The following METTL15 variants were observed in gnomAD, a reference collection of about 807,000 sequenced individuals.
The protein encoded by METTL15 is 12S rRNA N(4)-cytidine methyltransferase METTL15.
In METTL15, 34 loss-of-function variants were observed where a neutral mutation model predicts 38.3. The ratio of observed to expected loss-of-function variants is 0.89; its 90% CI spans 0.68 to 1.18. The LOEUF (loss-of-function observed/expected upper bound fraction) is 1.18, where lower values mean the gene tolerates loss of function less well. Ranked by LOEUF, METTL15 falls within the 50% of genes most tolerant of loss-of-function variation. The pLI is 0.00. For missense variants in METTL15, 438 were observed against 498.4 expected (o/e 0.88, Z 1.15); for synonymous variants, 162 against 170.9 (o/e 0.95, Z 0.41).
Position 28,330,451 on chromosome 11 carries a change from C to G in METTL15, c.834C>G (p.Thr278=). The part of the protein sequence containing the change: ...YTRKDLLQRS[T]HIATKTFQAL... ...GGAAAGACTTACTACAGCGATCTAC[C>G]CATATTGCCACCAAGACTTTCCAGG... The change falls in exon 7 of 7, where the codon ACC becomes ACG. Residue 278 remains threonine (T), a synonymous_variant. Coordinates refer to ENST00000407364, the MANE Select transcript of METTL15 (RefSeq NM_001113528.2). The G allele has an allele frequency of 4.5e-6, 7 of 1,551,560 alleles. No homozygotes were observed. The highest frequency in any genetic ancestry group is 6.1e-6 in the Non-Finnish European group (7 of 1,146,946).
exon 4 of METTL15, chr11:28,352,144 C>T (rs1850046922): frequency 6.6e-6 from 1 of 152,166 alleles, no homozygotes; most frequent in African/African-American, 2.4e-5. Flanking sequence ...TAACCTGCAC[C>T]TCTTCACAGC....
chr11:28,262,461 A>G (rs1023950994), intron 4 of METTL15, among the ~76,000 whole-genome samples: 5 of 151,692 alleles, frequency 3.3e-5, no homozygotes, highest in African/African-American at 1.2e-4. Flanking sequence ...ACATAGTCTT[A>G]TATATATGTG....
intron 3 of METTL15, chr11:28,197,613 C>T (rs1851957421): frequency 3.0e-6 from 1 of 329,392 alleles, no homozygotes; most frequent in Admixed American, 3.6e-5. Flanking sequence ...ACGTCTGAAA[C>T]TTGTGCTATC....
chr11:28,358,341 A>G (rs954252437), intron 4 of METTL15, among the ~76,000 whole-genome samples: 2 of 152,154 alleles, frequency 1.3e-5, no homozygotes, highest in African/African-American at 4.8e-5. Context: ...TGAAACTGCA[A>G]AGTAATAAAG....
chr11:28,409,091 A>G (rs1279323537), intron 5 of METTL15, among the ~76,000 whole-genome samples: 2 of 152,148 alleles, frequency 1.3e-5, no homozygotes, highest in Non-Finnish European at 2.9e-5. Context: ...TTTTAAGAAT[A>G]TTTAAATCGG....
At chr11:28,168,716 C>T (rs1414212969) in intron 3 of METTL15, among the ~76,000 whole-genome samples, 1 of 150,714 alleles carries the variant, frequency 6.6e-6, no homozygotes, top group Non-Finnish European at 1.5e-5. Flanking sequence ...CCCATATTCT[C>T]ATGTACCTGA....
At chr11:28,419,248 G>A (rs570288163) in intron 5 of METTL15, among the ~76,000 whole-genome samples, 83 of 152,280 alleles carry the variant, frequency 5.5e-4, no homozygotes, top group Non-Finnish European at 1.0e-3. Context: ...GACCATAGGA[G>A]TGGTCACCTG....
chr11:28,439,725 C>T (rs550227946), intron 6 of METTL15, among the ~76,000 whole-genome samples: 1 of 152,210 alleles, frequency 6.6e-6, no homozygotes, highest in South Asian at 2.1e-4. Flanking sequence ...ACTCCTACTG[C>T]AATTATCTGT....
Position 28,181,815 on chromosome 11 carries a change from T to A in METTL15, c.271-29247T>A, listed in dbSNP as rs57665171. 3.3e-3 allele frequency among the ~76,000 whole-genome samples: 506 copies of A among 152,266 alleles called. 4 individuals carry two copies. Among genetic ancestry groups the A allele is most frequent in the African/African-American group, 0.012 (494 of 41,556 alleles). The stretch of plus-strand genomic sequence containing the variant: ...GTCAAATGATATTTCTAGTTCTAGA[T>A]CCTTGAGGAATCATCATACTGTCTT... On this transcript the variant is annotated intron_variant, in intron 3 of 6. Transcript: ENST00000407364.
At chr11:28,149,983 C>T (rs1181556094) in intron 3 of METTL15, among the ~76,000 whole-genome samples, 1 of 151,896 alleles carries the variant, frequency 6.6e-6, no homozygotes, top group African/African-American at 2.4e-5. Flanking sequence ...TTTACACTCT[C>T]AGCAAACCCA....
chr11:28,414,023 G>C (rs377476384), intron 5 of METTL15, among the ~76,000 whole-genome samples: 4 of 152,182 alleles, frequency 2.6e-5, no homozygotes. Context: ...CAAGAAAGTG[G>C]AAATGACTTT....
At chr11:28,114,141 T>A (rs1851842696) in intron 3 of METTL15, among the ~76,000 whole-genome samples, 1 of 152,200 alleles carries the variant, frequency 6.6e-6, no homozygotes, top group Non-Finnish European at 1.5e-5. Flanking sequence ...GCCATTGACA[T>A]CCTTCCCCCA....
chr11:28,305,344 A>G (rs1857046759), intron 6 of METTL15, among the ~76,000 whole-genome samples: 1 of 152,136 alleles, frequency 6.6e-6, no homozygotes, highest in South Asian at 2.1e-4. Context: ...TATTGATAAT[A>G]ATAATGATAA....
At chr11:28,389,052 G>A (rs996932012) in intron 5 of METTL15, among the ~76,000 whole-genome samples, 17 of 152,082 alleles carry the variant, frequency 1.1e-4, no homozygotes, top group East Asian at 9.7e-4. Context: ...TGGGGTATAC[G>A]TGCCACATTT....
At chr11:28,119,568 G>A (rs1181324585) in intron 3 of METTL15, among the ~76,000 whole-genome samples, 1 of 152,146 alleles carries the variant, frequency 6.6e-6, no homozygotes, top group Admixed American at 6.5e-5. Context: ...ATGACAAATA[G>A]TTTAAATTTG....
At chr11:28,237,022 G>A (rs1306537841) in intron 4 of METTL15, among the ~76,000 whole-genome samples, 1 of 152,022 alleles carries the variant, frequency 6.6e-6, no homozygotes, top group South Asian at 2.1e-4. Context: ...TTTCTCTGTG[G>A]CTGCCCTTAT....
At chr11:28,383,364 C>T (rs1850408764) in intron 5 of METTL15, among the ~76,000 whole-genome samples, 1 of 152,040 alleles carries the variant, frequency 6.6e-6, no homozygotes, top group Non-Finnish European at 1.5e-5. Context: ...TTCAGTTTAT[C>T]ATTGATGGGC....
At chr11:28,468,858 T>C (rs1851279426) in intron 6 of METTL15, among the ~76,000 whole-genome samples, 1 of 152,154 alleles carries the variant, frequency 6.6e-6, no homozygotes, top group Admixed American at 6.5e-5. Flanking sequence ...AATGAAAGAT[T>C]GAATCCCAGG....
intron 4 of METTL15, among the ~76,000 whole-genome samples, chr11:28,239,030 GTTC>G (rs1377091513): frequency 1.3e-5 from 2 of 150,936 alleles, no homozygotes; most frequent in Admixed American, 6.6e-5. Context: ...CCTAATATTT[GTTC>G]TTCTTCAGGG....
Sources: gnomAD v4.1 joint callset for allele counts (sites outside exome capture counted in the v4.1 genomes callset) on GRCh38, gnomAD v4.1.1 for gene constraint, MANE v1.5 for transcripts, NCBI Gene and HGNC (gene_info 2026-07-23, HGNC 2026-07-21) for gene names.